NUTF2: variants seen among roughly 807,000 people sequenced by gnomAD.
NUTF2 encodes the protein nuclear transport factor 2, also known as placental protein 15.
A neutral mutation model predicts 18.5 loss-of-function variants in NUTF2; 3 were observed. The observed-to-expected ratio is 0.16, with a 90% CI of 0.07 to 0.42. The LOEUF is 0.42. NUTF2 is among the 10% of genes least tolerant of loss of function. The pLI is 0.99. For missense variants in NUTF2, 44 were observed against 160.7 expected, an observed-to-expected ratio of 0.27 and a Z score of 3.93; for synonymous variants, 51 against 57.9, an observed-to-expected ratio of 0.88 and a Z score of 0.54.
intron 1 of NUTF2, chr16:67,855,887 C>CGG (rs796843812): frequency 0.01 from 1,953 of 186,306 alleles, 20 homozygotes; most frequent in Middle Eastern, 0.03. Flanking sequence ...TTTTTTTTGG[C>CGG]GGGGGGGGGG....
Position 67,865,083 on chromosome 16 carries a change from G to T in NUTF2, c.-29-19G>T. 1 of 1,286,122 alleles carries T rather than the reference G, an allele frequency of 7.8e-7. No homozygotes were observed. The allele number at this position is 1,286,122 out of a possible 1,614,324, so 79.7% of individuals were successfully genotyped here. A position where few individuals can be genotyped will look rare whatever the true frequency, so the allele number is the denominator to read the frequency against. ...CTCATGGTACCAATGCTTCCCTCCT[G>T]GTCTCATTGGTCTTGCAGGTCTCCG... On this transcript the variant is annotated intron_variant, in intron 1 of 4. Coordinates refer to ENST00000219169, the MANE Select transcript of NUTF2 (RefSeq NM_005796.3).
At chr16:67,856,673 C>G (rs1342618343) in intron 1 of NUTF2, among the ~76,000 whole-genome samples, 1 of 151,604 alleles carries the variant, frequency 6.6e-6, no homozygotes, top group African/African-American at 2.4e-5. Context: ...CACACATGGC[C>G]AATTTTTTGT....
rs749656350 is a variant in NUTF2 at position 67,871,728 on chromosome 16, A to C, written c.*815A>C. 2 of 152,290 alleles carry C rather than the reference A, an allele frequency of 1.3e-5. No homozygotes were observed. Among genetic ancestry groups the C allele is most frequent in the African/African-American group, 2.4e-5 (1 of 41,468 alleles). The allele number at this position is 152,290 out of a possible 1,614,324, so 9.4% of individuals were successfully genotyped here. A position where few individuals can be genotyped will look rare whatever the true frequency, so the allele number is the denominator to read the frequency against. ...AGGCCCTCCGGGCTGAGTTGTCAGC[A>C]GTATCAAGGGAGGGGCCTGCTCTAT... is the stretch of plus-strand genomic sequence containing the variant. On this transcript the variant is annotated 3_prime_UTR_variant, in exon 5 of 5. Transcript: ENST00000219169.
chr16:67,866,529 AAT>A (rs1344217633), intron 2 of NUTF2, among the ~76,000 whole-genome samples: 1 of 151,670 alleles, frequency 6.6e-6, no homozygotes, highest in Non-Finnish European at 1.5e-5. Context: ...GCAGTGGTGC[AAT>A]CTTGGCTCAC....
chr16:67,870,556 G>A (rs767912643), intron 4 of NUTF2: 1 of 499,760 alleles, frequency 2.0e-6, no homozygotes. Flanking sequence ...GTGAATTATT[G>A]TGCAGTTTAA....
chr16:67,852,009 TC>T (rs1482984152), intron 1 of NUTF2, among the ~76,000 whole-genome samples: 1 of 151,254 alleles, frequency 6.6e-6, no homozygotes, highest in Non-Finnish European at 1.5e-5. Flanking sequence ...ACAGCGAAAC[TC>T]CATCTTGAAA....
At chr16:67,856,943 A>G (rs1317512672) in intron 1 of NUTF2, among the ~76,000 whole-genome samples, 1 of 152,230 alleles carries the variant, frequency 6.6e-6, no homozygotes, top group African/African-American at 2.4e-5. Context: ...CCAGCTTCAC[A>G]GGGCTTGTTG....
chr16:67,850,866 T>C (rs569286318), intron 1 of NUTF2, among the ~76,000 whole-genome samples: 1 of 152,048 alleles, frequency 6.6e-6, no homozygotes, highest in South Asian at 2.1e-4. Context: ...AGTGGTGCAA[T>C]CTCAGCTCAC....
chr16:67,849,847 A>G (rs961513140), intron 1 of NUTF2, among the ~76,000 whole-genome samples: 7 of 151,826 alleles, frequency 4.6e-5, no homozygotes, highest in Admixed American at 2.0e-4. Context: ...TTTAGTAGAG[A>G]CGGGGTTTCA....
chr16:67,865,843 C>G (rs1217916245), intron 2 of NUTF2, among the ~76,000 whole-genome samples: 3 of 151,728 alleles, frequency 2.0e-5, no homozygotes, highest in Non-Finnish European at 4.4e-5. Context: ...CTCAGCCTCC[C>G]GAGTAGCTGG....
Position 67,871,707 on chromosome 16 carries a change from C to T in NUTF2, c.*794C>T, listed in dbSNP as rs1319478630. The T allele has an allele frequency of 6.6e-6, 1 of 152,276 alleles. No homozygotes were observed. Among genetic ancestry groups the T allele is most frequent in the Non-Finnish European group, 1.5e-5 (1 of 68,102 alleles). The allele number at this position is 152,276 out of a possible 1,614,324, so 9.4% of individuals were successfully genotyped here. A position where few individuals can be genotyped will look rare whatever the true frequency, so the allele number is the denominator to read the frequency against. On this transcript the variant is annotated 3_prime_UTR_variant, in exon 5 of 5. Transcript: ENST00000219169. Reference sequence around the variant, plus strand: ...GCAAAATGGCTCATCACGTTCAGGCCCTCCGGGCTGAGTTGTCAGCAGTAT... The same window carrying T: ...GCAAAATGGCTCATCACGTTCAGGCTCTCCGGGCTGAGTTGTCAGCAGTAT...
chr16:67,868,827 T>G, intron 4 of NUTF2: 1 of 411,766 alleles, frequency 2.4e-6, no homozygotes, highest in Non-Finnish European at 4.5e-6. Context: ...ACTAGCCATA[T>G]AGAACATTTT....
At chr16:67,858,195 TCTCA>T (rs2057910522) in intron 1 of NUTF2, among the ~76,000 whole-genome samples, 1 of 152,200 alleles carries the variant, frequency 6.6e-6, no homozygotes. Flanking sequence ...TGAGACCGAA[TCTCA>T]CTCTGTCGCC....
At chr16:67,854,784 C>A (rs2057883457) in intron 1 of NUTF2, among the ~76,000 whole-genome samples, 1 of 152,074 alleles carries the variant, frequency 6.6e-6, no homozygotes, top group Admixed American at 6.5e-5. Context: ...CCGTCTCTAC[C>A]AAGATTCCAA....
At chr16:67,863,496 G>T (rs2151299108) in intron 1 of NUTF2, among the ~76,000 whole-genome samples, 1 of 152,300 alleles carries the variant, frequency 6.6e-6, no homozygotes, top group African/African-American at 2.4e-5. Context: ...CTGGCTTTGG[G>T]CGAGGTCACA....
chr16:67,860,296 G>A (rs1163632314), intron 1 of NUTF2, among the ~76,000 whole-genome samples: 1 of 151,746 alleles, frequency 6.6e-6, no homozygotes, highest in African/African-American at 2.4e-5. Flanking sequence ...TTGTTCTGAG[G>A]CAGAGTCTTG....
At chr16:67,853,714 C>G (rs1172820559) in intron 1 of NUTF2, among the ~76,000 whole-genome samples, 2 of 152,078 alleles carry the variant, frequency 1.3e-5, no homozygotes, top group African/African-American at 4.8e-5. Flanking sequence ...GTCTCACTAT[C>G]TTGCCCAGGC....
intron 4 of NUTF2, among the ~76,000 whole-genome samples, chr16:67,869,084 CTTT>C (rs71721636): frequency 3.3e-4 from 45 of 135,826 alleles, no homozygotes; most frequent in South Asian, 4.7e-4. Context: ...ACTCCTATTT[CTTT>C]TTTTTTTTTT....
chr16:67,865,783 A>G (rs1221610791), intron 2 of NUTF2, among the ~76,000 whole-genome samples: 1 of 145,320 alleles, frequency 6.9e-6, no homozygotes, highest in Non-Finnish European at 1.5e-5. Context: ...CAATGGCTCG[A>G]TCTCAGCTCA....
Sources: gnomAD v4.1 joint callset for allele counts (sites outside exome capture counted in the v4.1 genomes callset) on GRCh38, gnomAD v4.1.1 for gene constraint, MANE v1.5 for transcripts, NCBI Gene and HGNC (gene_info 2026-07-23, HGNC 2026-07-21) for gene names.